The following MYO3A variants were observed in gnomAD, a reference collection of about 807,000 sequenced individuals.
MYO3A encodes myosin-IIIa.
Under a neutral mutation model 192.7 loss-of-function variants are expected in MYO3A, and 180 were observed. That is an observed-to-expected ratio of 0.93 (90% CI 0.83 to 1.06). The LOEUF is 1.06. Among genes scored for constraint, MYO3A ranks in the 50% least tolerant of loss-of-function variants. The pLI, the probability that MYO3A is intolerant of heterozygous loss-of-function variation, is 0.00. For synonymous variants in MYO3A, 628 were observed against 645.3 expected, an observed-to-expected ratio of 0.97 and a Z score of 0.41; for missense variants, 1,896 against 1,905.0, an observed-to-expected ratio of 1.00 and a Z score of 0.09.
chr10:26,118,719 C>T (rs1223241753), intron 17 of MYO3A, among the ~76,000 whole-genome samples: 1 of 151,934 alleles, frequency 6.6e-6, no homozygotes, highest in Admixed American at 6.6e-5. Flanking sequence ...GAAGCCTCCG[C>T]CTCCTGGGTT....
chr10:26,004,723 A>G (rs1298551667), intron 6 of MYO3A, among the ~76,000 whole-genome samples: 1 of 152,164 alleles, frequency 6.6e-6, no homozygotes, highest in Non-Finnish European at 1.5e-5. Context: ...ACCAACTTGA[A>G]GCAATTCTTA....
Position 26,070,130 on chromosome 10 carries a change from G to A in MYO3A, c.1190G>A (p.Gly397Glu), listed in dbSNP as rs776312042. 1.2e-5 allele frequency: 20 copies of A among 1,610,442 alleles called. No individual in the cohort carries two copies. The highest frequency in any genetic ancestry group is 1.5e-5 in the Non-Finnish European group (18 of 1,176,948). The change falls in exon 13 of 35, where the codon GGA becomes GAA. Residue 397 changes from glycine to glutamate, a missense_variant. Physicochemically the swap from Gly to Glu is moderately conservative, Grantham distance 98. Coordinates refer to ENST00000642920, the MANE Select transcript of MYO3A (RefSeq NM_017433.5). Reference sequence around the variant, plus strand: ...CTTTAGCATTCCAAACTATATATTGGATCAAAGAGAACTGCCAGTCCTCCT... The same window carrying A: ...CTTTAGCATTCCAAACTATATATTGAATCAAAGAGAACTGCCAGTCCTCCT... ...YSTKHSKLYI[G>E]SKRTASPPHI... is the part of the protein sequence containing the mutation.
intron 6 of MYO3A, among the ~76,000 whole-genome samples, chr10:26,003,655 C>G (rs983070455): frequency 4.9e-4 from 74 of 151,046 alleles, no homozygotes; most frequent in African/African-American, 1.8e-3. Flanking sequence ...TCCCTTCAGG[C>G]AAGTGAACTA....
intron 32 of MYO3A, among the ~76,000 whole-genome samples, chr10:26,198,678 G>A (rs937788178): frequency 2.6e-5 from 4 of 152,058 alleles, no homozygotes; most frequent in African/African-American, 4.8e-5. Flanking sequence ...TCTTTATGTC[G>A]GGTGGGGCTG....
intron 10 of MYO3A, among the ~76,000 whole-genome samples, chr10:26,036,231 G>A (rs1249306528): frequency 2.0e-5 from 3 of 151,866 alleles, no homozygotes; most frequent in Admixed American, 6.6e-5. Flanking sequence ...GAGCCACTGC[G>A]CCCAGCCCCC....
intron 17 of MYO3A, among the ~76,000 whole-genome samples, chr10:26,097,389 AT>A (rs765352393): frequency 3.2e-4 from 48 of 150,848 alleles, no homozygotes; most frequent in Non-Finnish European, 5.5e-4. Context: ...TTAACGTTTT[AT>A]TTTTTTTTAA....
intron 31 of MYO3A, among the ~76,000 whole-genome samples, chr10:26,187,211 C>A (rs1442045648): frequency 1.3e-5 from 2 of 152,012 alleles, no homozygotes; most frequent in Non-Finnish European, 2.9e-5. Context: ...TGATCCCCAC[C>A]ATCTAGAGAC....
Position 26,002,922 on chromosome 10 carries a change from G to A in MYO3A, c.508+5664G>A, listed in dbSNP as rs16926510. Among the ~76,000 whole-genome samples the A allele has an allele frequency of 6.8e-3, 1,032 of 152,170 alleles. 15 individuals are homozygous for A. Among genetic ancestry groups the A allele is most frequent in the African/African-American group, 0.024 (987 of 41,546 alleles). ...TTCACTGTAATCATATTTTATTTGA[G>A]TACTTTCTCTGCTAAGCTGTAGATT... On this transcript the variant is annotated intron_variant, in intron 6 of 34. Transcript: ENST00000642920.
chr10:26,188,679 G>A (rs924444234), intron 31 of MYO3A, among the ~76,000 whole-genome samples: 2 of 152,150 alleles, frequency 1.3e-5, no homozygotes, highest in African/African-American at 4.8e-5. Flanking sequence ...TGTAATGAAG[G>A]GATCCAGTTT....
chr10:26,065,263 A>G (rs1260721751), intron 10 of MYO3A, among the ~76,000 whole-genome samples: 1 of 152,210 alleles, frequency 6.6e-6, no homozygotes, highest in Non-Finnish European at 1.5e-5. Flanking sequence ...AGCTGCTTCC[A>G]CAGAGTGTCA....
At chr10:26,051,562 TATA>T (rs994227327) in intron 10 of MYO3A, among the ~76,000 whole-genome samples, 169 of 148,258 alleles carry the variant, frequency 1.1e-3, no homozygotes, top group African/African-American at 3.9e-3. Context: ...ATATACTATC[TATA>T]ATATTATTTT....
At chr10:26,122,142 T>G (rs1433807466) in intron 18 of MYO3A, among the ~76,000 whole-genome samples, 1 of 152,196 alleles carries the variant, frequency 6.6e-6, no homozygotes, top group Non-Finnish European at 1.5e-5. Flanking sequence ...TCAGAAGAGC[T>G]AGCAGCAGCC....
rs185009770 is a variant in MYO3A, at chr10:25,943,727, T to C, written c.-18+7897T>C. On this transcript the variant is annotated intron_variant, in intron 2 of 34. Coordinates refer to ENST00000642920, the MANE Select transcript of MYO3A (RefSeq NM_017433.5). ...AACAGATTTTTGCATGTTGATTTTG[T>C]ATCCTGCAGCTTTGCTGAATTCATT... Among the ~76,000 whole-genome samples, 620 of 151,920 alleles carry C rather than the reference T, an allele frequency of 4.1e-3. 5 individuals are homozygous for C. Among genetic ancestry groups the C allele is most frequent in the African/African-American group, 0.014 (584 of 41,488 alleles).
chr10:26,011,167 A>C (rs1006047820), intron 6 of MYO3A, among the ~76,000 whole-genome samples: 2 of 152,064 alleles, frequency 1.3e-5, no homozygotes, highest in African/African-American at 4.8e-5. Flanking sequence ...AGTGGCTCAC[A>C]CTTGTAATGC....
intron 10 of MYO3A, among the ~76,000 whole-genome samples, chr10:26,061,529 T>G (rs1834478253): frequency 1.3e-5 from 2 of 152,134 alleles, no homozygotes; most frequent in Non-Finnish European, 2.9e-5. Context: ...CTTGGTATAT[T>G]AAGAGCCCTT....
chr10:26,029,663 G>A (rs1271271054), intron 10 of MYO3A, among the ~76,000 whole-genome samples: 1 of 151,826 alleles, frequency 6.6e-6, no homozygotes, highest in East Asian at 1.9e-4. Context: ...GACTTTTTAT[G>A]TCTGGCTATT....
chr10:26,096,557 A>T lies in MYO3A; in HGVS notation c.1662-11A>T, dbSNP rs759183699. On this transcript the variant is annotated splice_polypyrimidine_tract_variant and intron_variant, in intron 16 of 34. Coordinates refer to ENST00000642920, the MANE Select transcript of MYO3A (RefSeq NM_017433.5). Reference sequence around the variant, plus strand: ...TTTAGACTTTTATCCTTCCTTTTATATTTTTTTTAGGTACCTACAAAATGA... The same window carrying T: ...TTTAGACTTTTATCCTTCCTTTTATTTTTTTTTTAGGTACCTACAAAATGA... 1 of 1,590,734 alleles carries T rather than the reference A, an allele frequency of 6.3e-7. No individual in the cohort carries two copies. Among genetic ancestry groups the T allele is most frequent in the Non-Finnish European group, 8.6e-7 (1 of 1,159,406 alleles).
intron 2 of MYO3A, among the ~76,000 whole-genome samples, chr10:25,945,853 A>G (rs181233061): frequency 2.0e-5 from 3 of 152,208 alleles, no homozygotes; most frequent in Non-Finnish European, 2.9e-5. Context: ...TATTTAGTGT[A>G]TATTTTGTAA....
chr10:26,149,812 G>A (rs181572672), intron 23 of MYO3A, among the ~76,000 whole-genome samples: 6 of 152,044 alleles, frequency 3.9e-5, no homozygotes, highest in South Asian at 2.1e-4. Flanking sequence ...ATGAACTTAC[G>A]TATCCTATCT....
Sources: allele counts gnomAD v4.1 joint callset (sites outside exome capture counted in the v4.1 genomes callset), GRCh38; gene constraint gnomAD v4.1.1; transcripts MANE v1.5; gene names NCBI Gene and HGNC (gene_info 2026-07-23, HGNC 2026-07-21).